The following PPP1CB variants were observed in gnomAD, a reference collection of about 807,000 sequenced individuals.
The protein encoded by PPP1CB is serine/threonine-protein phosphatase PP1-beta catalytic subunit.
PPP1CB carries 2 observed loss-of-function variants against 43.7 expected under a neutral mutation model. The observed-to-expected ratio is 0.05, with a 90% CI of 0.02 to 0.14. PPP1CB has a LOEUF of 0.14. Among genes scored for constraint, PPP1CB ranks in the 10% least tolerant of loss-of-function variants. PPP1CB has a pLI of 1.00. For missense variants in PPP1CB, 84 were observed against 398.0 expected (o/e 0.21, Z 6.71); for synonymous variants, 136 against 135.6 (o/e 1.00, Z -0.02).
intron 1 of PPP1CB, among the ~76,000 whole-genome samples, chr2:28,761,074 G>A (rs971577543): frequency 2.0e-5 from 3 of 152,086 alleles, no homozygotes; most frequent in Non-Finnish European, 2.9e-5. Context: ...CTAATTTTCT[G>A]TATTTTTAGT....
At chr2:28,778,569 C>T in intron 2 of PPP1CB, 1 of 513,964 alleles carries the variant, frequency 1.9e-6, no homozygotes, top group South Asian at 2.1e-5. Flanking sequence ...CAGCTGGTTT[C>T]ATCAGCGAGC....
At position 28,800,465 on chromosome 2, in the gene PPP1CB, A is replaced by C. The variant is rs1667591395; in HGVS notation, c.*1162A>C. On this transcript the variant is annotated 3_prime_UTR_variant, in exon 8 of 8. Transcript: ENST00000395366. Reference sequence around the variant, plus strand: ...TACGATTGTAAGGCTTATGTCACTAAAGATTTTTATTCTGATTTTTTCATA... The same window carrying C: ...TACGATTGTAAGGCTTATGTCACTACAGATTTTTATTCTGATTTTTTCATA... 6.6e-6 allele frequency: 1 copy of C among 152,232 alleles called. No homozygotes were observed. Among genetic ancestry groups the C allele is most frequent in the Non-Finnish European group, 1.5e-5 (1 of 67,872 alleles). The allele number at this position is 152,232 out of a possible 1,614,324, so 9.4% of individuals were successfully genotyped here. A position where few individuals can be genotyped will look rare whatever the true frequency, so the allele number is the denominator to read the frequency against.
chr2:28,799,137 A>G (rs1363122160), intron 7 of PPP1CB, 62 bp from the exon 8 acceptor site: 1 of 1,164,484 alleles, frequency 8.6e-7, no homozygotes, highest in Non-Finnish European at 1.2e-6. Flanking sequence ...TCACAATTGT[A>G]ACAATTTTCT....
At chr2:28,788,290 T>C (rs1347141897) in intron 5 of PPP1CB, among the ~76,000 whole-genome samples, 1 of 152,160 alleles carries the variant, frequency 6.6e-6, no homozygotes, top group African/African-American at 2.4e-5. Context: ...AGTGGAACCG[T>C]AAGGAAAGGA....
At chr2:28,790,733 G>T (rs955034521) in intron 6 of PPP1CB, among the ~76,000 whole-genome samples, 11 of 152,148 alleles carry the variant, frequency 7.2e-5, no homozygotes, top group Non-Finnish European at 1.6e-4. Context: ...GTGTGTAGAG[G>T]TAAAATGACA....
intron 3 of PPP1CB, 137 bp from the exon 4 acceptor site, chr2:28,781,601 T>A: frequency 1.6e-6 from 1 of 637,542 alleles, no homozygotes; most frequent in South Asian, 2.1e-5. Flanking sequence ...CATCTTTGCA[T>A]TGTAGAAAAA....
chr2:28,798,607 C>T (rs1320795151), intron 7 of PPP1CB, among the ~76,000 whole-genome samples: 1 of 150,318 alleles, frequency 6.7e-6, no homozygotes, highest in Non-Finnish European at 1.5e-5. Context: ...TATATGATGC[C>T]AGTTATATGA....
intron 1 of PPP1CB, among the ~76,000 whole-genome samples, chr2:28,753,357 T>C (rs1415548591): frequency 6.6e-6 from 1 of 152,228 alleles, no homozygotes; most frequent in Non-Finnish European, 1.5e-5. Flanking sequence ...TAATTCCTTT[T>C]TCTCAAAGTA....
chr2:28,787,814 A>G (rs1187192126), intron 5 of PPP1CB, among the ~76,000 whole-genome samples: 1 of 152,132 alleles, frequency 6.6e-6, no homozygotes, highest in African/African-American at 2.4e-5. Flanking sequence ...CTCAGAATTC[A>G]TTTGCTGGTC....
At chr2:28,764,757 T>TA (rs1174118297) in intron 1 of PPP1CB, among the ~76,000 whole-genome samples, 1 of 151,884 alleles carries the variant, frequency 6.6e-6, no homozygotes, top group Non-Finnish European at 1.5e-5. Context: ...CCGTCTCTAC[T>TA]AAAAATACAA....
chr2:28,772,477 T>A (rs1194580641), intron 1 of PPP1CB, among the ~76,000 whole-genome samples: 1 of 152,194 alleles, frequency 6.6e-6, no homozygotes, highest in Non-Finnish European at 1.5e-5. Context: ...ATAGCCACTT[T>A]GGGAAACTGA....
chr2:28,788,878 GAC>G, intron 6 of PPP1CB, 69 bp downstream of exon 6: 1 of 1,417,794 alleles, frequency 7.1e-7, no homozygotes, highest in Non-Finnish European at 9.4e-7. Context: ...CGGAGGGGCA[GAC>G]AGATTCTTGT....
chr2:28,799,485 TAATA>T lies in PPP1CB; in HGVS notation c.*184_*187del. ...TAGAAAGATGTGCTACACTGTATTGTAATAAGTATACTCTGTTATAGTCAACAAA... is the reference window on the plus strand; with the variant it reads ...TAGAAAGATGTGCTACACTGTATTGTAGTATACTCTGTTATAGTCAACAAA... On this transcript the variant is annotated 3_prime_UTR_variant, in exon 8 of 8. Transcript: ENST00000395366. 1 of 483,074 alleles carries T rather than the reference TAATA, an allele frequency of 2.1e-6. No homozygotes were observed. The allele number at this position is 483,074 out of a possible 1,614,324, so 29.9% of individuals were successfully genotyped here.
At chr2:28,768,661 G>C (rs140706672) in intron 1 of PPP1CB, among the ~76,000 whole-genome samples, 1 of 152,166 alleles carries the variant, frequency 6.6e-6, no homozygotes, top group Admixed American at 6.5e-5. Context: ...AGTTACTGCT[G>C]TGCTGCTGCT....
intron 6 of PPP1CB, among the ~76,000 whole-genome samples, chr2:28,792,934 G>A (rs977245076): frequency 5.3e-5 from 8 of 152,126 alleles, no homozygotes; most frequent in Admixed American, 1.3e-4. Flanking sequence ...GGCCAGGCAC[G>A]GTGGCTCACG....
chr2:28,763,360 GT>G (rs1416037603), intron 1 of PPP1CB, among the ~76,000 whole-genome samples: 2 of 151,932 alleles, frequency 1.3e-5, no homozygotes, highest in African/African-American at 4.8e-5. Flanking sequence ...TACCAGTGGG[GT>G]TTGGTGCCAC....
At chr2:28,792,943 C>T (rs1351696122) in intron 6 of PPP1CB, among the ~76,000 whole-genome samples, 2 of 152,152 alleles carry the variant, frequency 1.3e-5, no homozygotes, top group Non-Finnish European at 2.9e-5. Context: ...CGGTGGCTCA[C>T]GCCTGTAATC....
intron 1 of PPP1CB, among the ~76,000 whole-genome samples, chr2:28,768,828 G>C (rs781714652): frequency 2.0e-5 from 3 of 151,116 alleles, no homozygotes; most frequent in African/African-American, 7.3e-5. Flanking sequence ...ATCTAGTGCT[G>C]ACAGAAAAAA....
At chr2:28,775,512 A>G (rs1404861764) in intron 1 of PPP1CB, among the ~76,000 whole-genome samples, 3 of 152,008 alleles carry the variant, frequency 2.0e-5, no homozygotes, top group Non-Finnish European at 2.9e-5. Flanking sequence ...GCCTCAAGCA[A>G]TTCTCTACTA....
Sources: allele counts gnomAD v4.1 joint callset (sites outside exome capture counted in the v4.1 genomes callset), GRCh38; gene constraint gnomAD v4.1.1; transcripts MANE v1.5; gene names NCBI Gene and HGNC (gene_info 2026-07-23, HGNC 2026-07-21).